Variants in UBE2F observed in about 807,000 individuals in gnomAD.
UBE2F encodes the protein ubiquitin conjugating enzyme E2 F (putative), also known as NEDD8-conjugating enzyme UBE2F.
A neutral mutation model predicts 29.6 loss-of-function variants in UBE2F; 5 were observed. That is an observed-to-expected ratio of 0.17 (90% CI 0.09 to 0.36). The LOEUF (loss-of-function observed/expected upper bound fraction) is 0.36, where lower values mean the gene tolerates loss of function less well. UBE2F is among the 10% of genes least tolerant of loss of function. UBE2F has a pLI of 1.00. For missense variants in UBE2F, 141 were observed against 228.5 expected (o/e 0.62, Z 2.47); for synonymous variants, 66 against 81.8 (o/e 0.81, Z 1.04).
At chr2:238,018,316 C>G (rs1352261954) in intron 5 of UBE2F, among the ~76,000 whole-genome samples, 1 of 152,202 alleles carries the variant, frequency 6.6e-6, no homozygotes, top group Non-Finnish European at 1.5e-5. Context: ...ACATACCGTT[C>G]TGGATGTCAT....
At chr2:237,976,112 C>T (rs973845415) in intron 2 of UBE2F, among the ~76,000 whole-genome samples, 14 of 152,198 alleles carry the variant, frequency 9.2e-5, no homozygotes, top group South Asian at 4.1e-4. Context: ...GAGGCTTTAC[C>T]CTAAGAGGCC....
intron 3 of UBE2F, 89 bp from the exon 4 acceptor site, chr2:237,994,655 C>T (rs1027075867): frequency 4.9e-6 from 5 of 1,025,122 alleles, no homozygotes; most frequent in South Asian, 1.3e-5. Flanking sequence ...CCTGTAGCAC[C>T]GCTAACTTTA....
At position 238,032,208 on chromosome 2, in the gene UBE2F, C is replaced by G; in HGVS notation, c.412-14C>G. 3 of 1,611,784 alleles carry G rather than the reference C, an allele frequency of 1.9e-6. No homozygotes were observed. Among genetic ancestry groups the G allele is most frequent in the Non-Finnish European group, 2.5e-6 (3 of 1,178,272 alleles). ...TGGCTTAAAACTTGTTTTCTGTTTTCTTTTTTATTTCAGGATGTCGTTTGG... is the reference window on the plus strand; with the variant it reads ...TGGCTTAAAACTTGTTTTCTGTTTTGTTTTTTATTTCAGGATGTCGTTTGG... On this transcript the variant is annotated splice_polypyrimidine_tract_variant and intron_variant, in intron 7 of 9. Coordinates refer to ENST00000272930, the MANE Select transcript of UBE2F (RefSeq NM_080678.3).
chr2:237,991,609 C>CTTTCTTTCTTTTTTTTTTTTTT lies in UBE2F; in HGVS notation c.149-3132_149-3131insCTTTCTTTTTTTTTTTTTTTTT, dbSNP rs57180067. Among the ~76,000 whole-genome samples the CTTTCTTTCTTTTTTTTTTTTTT allele has an allele frequency of 4.7e-3, 250 of 53,026 alleles. 1 individual carries two copies. The highest frequency in any genetic ancestry group is 0.015 in the East Asian group (17 of 1,100). 34.8% of individuals were successfully genotyped at this position (53,026 alleles called of 152,430 possible). The stretch of plus-strand genomic sequence containing the variant: ...AACCTTTCTTTTCTTTTCTTTCTTT[C>CTTTCTTTCTTTTTTTTTTTTTT]TTTTTTTTTTTTTGAGACAGTCTTG... On this transcript the variant is annotated intron_variant, in intron 3 of 9. Coordinates refer to ENST00000272930, the MANE Select transcript of UBE2F (RefSeq NM_080678.3).
intron 3 of UBE2F, chr2:237,990,384 C>A (rs1464983482): frequency 4.4e-6 from 2 of 454,518 alleles, no homozygotes; most frequent in South Asian, 3.2e-5. Context: ...CCAACTTGAG[C>A]CTGTATATAC....
chr2:237,991,141 A>G (rs971937268), intron 3 of UBE2F, among the ~76,000 whole-genome samples: 21 of 152,306 alleles, frequency 1.4e-4, no homozygotes, highest in Middle Eastern at 3.4e-3. Flanking sequence ...GGTGTCAGAT[A>G]AAAAGACAGC....
Position 238,015,065 on chromosome 2 carries a change from T to A in UBE2F, c.215-1501T>A, listed in dbSNP as rs2064123371. On this transcript the variant is annotated intron_variant, in intron 4 of 9. Coordinates refer to ENST00000272930, the MANE Select transcript of UBE2F (RefSeq NM_080678.3). ...ACGACCTTAGTCTGCAATCAGTTGA[T>A]GAATGAATGAGCTGATTAAATGTAA... Among the ~76,000 whole-genome samples the A allele has an allele frequency of 2.0e-5, 3 of 152,236 alleles. No individual in the cohort carries two copies. The South Asian group carries it at 6.2e-4, about 31-fold the overall frequency.
At chr2:238,000,939 A>G (rs961815472) in intron 4 of UBE2F, among the ~76,000 whole-genome samples, 1 of 151,554 alleles carries the variant, frequency 6.6e-6, no homozygotes, top group Non-Finnish European at 1.5e-5. Flanking sequence ...CTACCTGTAT[A>G]TCTTCTTTGT....
rs150118148 is a variant in UBE2F at position 238,042,115 on chromosome 2, C to T, written c.*777C>T. ...ACTCTTAAAAATCAGCTCTTGCTTT[C>T]GGGTCCGGATGTGGTGAGCACATTT... On this transcript the variant is annotated 3_prime_UTR_variant, in exon 10 of 10. Transcript: ENST00000272930. 6 of 152,380 alleles carry T rather than the reference C, an allele frequency of 3.9e-5. No homozygotes were observed. Among genetic ancestry groups the T allele is most frequent in the East Asian group, 3.9e-4 (2 of 5,194 alleles). 9.4% of individuals were successfully genotyped at this position (152,380 alleles called of 1,614,324 possible). A position where few individuals can be genotyped will look rare whatever the true frequency, so the allele number is the denominator to read the frequency against.
chr2:238,027,921 C>T (rs780000805), intron 6 of UBE2F, among the ~76,000 whole-genome samples: 2 of 152,208 alleles, frequency 1.3e-5, no homozygotes. Context: ...CCGGCAGGGA[C>T]CCTTCGCCTG....
Position 238,003,897 on chromosome 2 carries a change from G to A in UBE2F, c.214+9088G>A, listed in dbSNP as rs553291653. ...TTCCATCACCTCAAAAAGTTGCCTC[G>A]ATCTGCTTTGTAGATCCCCTCTCCA... On this transcript the variant is annotated intron_variant, in intron 4 of 9. Coordinates refer to ENST00000272930, the MANE Select transcript of UBE2F (RefSeq NM_080678.3). Among the ~76,000 whole-genome samples, 81 of 152,236 alleles carry A rather than the reference G, an allele frequency of 5.3e-4. 1 individual carries two copies. The highest frequency in any genetic ancestry group is 1.9e-3 in the African/African-American group (77 of 41,526).
rs952237585 is a variant in UBE2F, at chr2:237,982,240, T to G, written c.119-5723T>G. ...GGCATCTTCCTGGCTGTCACTTTGC[T>G]GGCCCCTGAGTGCCTCTTGCTCCCG... On this transcript the variant is annotated intron_variant, in intron 2 of 9. Coordinates refer to ENST00000272930, the MANE Select transcript of UBE2F (RefSeq NM_080678.3). This position sits in a 1 kb window ranked among gnomAD's most constrained non-coding sequence, Gnocchi z 4.1. Among the ~76,000 whole-genome samples the G allele has an allele frequency of 6.6e-6, 1 of 152,198 alleles. No homozygotes were observed. The highest frequency in any genetic ancestry group is 2.4e-5 in the African/African-American group (1 of 41,456).
At chr2:238,020,627 A>G (rs1660826133) in intron 5 of UBE2F, among the ~76,000 whole-genome samples, 1 of 152,222 alleles carries the variant, frequency 6.6e-6, no homozygotes, top group South Asian at 2.1e-4. Context: ...ATAAACTTTT[A>G]AAAGAAAAAT....
chr2:238,008,066 G>A (rs975994979), intron 4 of UBE2F, among the ~76,000 whole-genome samples: 4 of 151,976 alleles, frequency 2.6e-5, no homozygotes, highest in Admixed American at 1.3e-4. Flanking sequence ...CAGTCCTCCC[G>A]CCTCAGGCTC....
chr2:238,014,372 G>A (rs1249512098), intron 4 of UBE2F, among the ~76,000 whole-genome samples: 1 of 152,214 alleles, frequency 6.6e-6, no homozygotes, highest in African/African-American at 2.4e-5. Flanking sequence ...AAAACAGTCT[G>A]TTCTCACTTT....
intron 2 of UBE2F, chr2:237,986,142 C>CCTT: frequency 3.8e-5 from 10 of 260,576 alleles, no homozygotes; most frequent in East Asian, 2.5e-4. Flanking sequence ...CTTTTCTTTT[C>CCTT]TTTTTTTTTT....
At chr2:237,986,214 G>C (rs752490327) in intron 2 of UBE2F, 2 of 326,866 alleles carry the variant, frequency 6.1e-6, no homozygotes, top group Non-Finnish European at 1.2e-5. Flanking sequence ...CAGTGGTGTG[G>C]TCCCGGCTTA....
At chr2:238,035,571 G>A (rs1028609095) in intron 8 of UBE2F, 1 of 237,694 alleles carries the variant, frequency 4.2e-6, no homozygotes, top group Non-Finnish European at 8.1e-6. Context: ...TCATTCTCCA[G>A]TTATCACAAA....
At chr2:237,973,040 A>C in intron 1 of UBE2F, 52 bp from the exon 2 acceptor site, 2 of 1,535,256 alleles carry the variant, frequency 1.3e-6, no homozygotes, top group Non-Finnish European at 1.8e-6. Context: ...TCAGTGTCTA[A>C]TTAGTCTCTG....
Sources: allele counts gnomAD v4.1 joint callset (sites outside exome capture counted in the v4.1 genomes callset), GRCh38; gene constraint gnomAD v4.1.1; non-coding constraint Gnocchi (gnomAD v3.1); transcripts MANE v1.5; gene names NCBI Gene and HGNC (gene_info 2026-07-23, HGNC 2026-07-21).